Variants in DNM3 observed in about 807,000 individuals in gnomAD.
DNM3 encodes the protein dynamin-3.
Under a neutral mutation model 101.6 loss-of-function variants are expected in DNM3, and 47 were observed. The ratio of observed to expected loss-of-function variants is 0.46; its 90% confidence interval spans 0.37 to 0.59. The LOEUF (loss-of-function observed/expected upper bound fraction) is 0.59, where lower values mean the gene tolerates loss of function less well. DNM3 is among the 20% of genes least tolerant of loss of function. The pLI, the probability that DNM3 is intolerant of heterozygous loss-of-function variation, is 0.00. For synonymous variants in DNM3, 385 were observed against 387.9 expected (o/e 0.99, Z 0.09); for missense variants, 849 against 1,085.7 (o/e 0.78, Z 3.06).
At chr1:172,138,149 T>C (rs957393026) in intron 14 of DNM3, 2 of 152,100 alleles carry the variant, frequency 1.3e-5, no homozygotes, top group Non-Finnish European at 2.9e-5. Context: ...AAATTTCAAC[T>C]TTCCATATGT....
intron 15 of DNM3, among the ~76,000 whole-genome samples, chr1:172,275,521 A>G (rs1476581509): frequency 6.6e-6 from 1 of 151,922 alleles, no homozygotes. Flanking sequence ...TGACATTTCA[A>G]CCTTCTTGCT....
chr1:172,104,787 A>G (rs1330422411), intron 13 of DNM3, among the ~76,000 whole-genome samples: 2 of 152,156 alleles, frequency 1.3e-5, no homozygotes, highest in East Asian at 1.9e-4. Flanking sequence ...TGCATCCATT[A>G]TTGACATTTT....
At chr1:172,167,907 A>G (rs1254275220) in intron 14 of DNM3, among the ~76,000 whole-genome samples, 1 of 152,016 alleles carries the variant, frequency 6.6e-6, no homozygotes, top group Non-Finnish European at 1.5e-5. Context: ...TTGATAACTC[A>G]TATTACCACA....
chr1:171,904,789 G>A (rs1190782297), intron 1 of DNM3, among the ~76,000 whole-genome samples: 3 of 152,140 alleles, frequency 2.0e-5, no homozygotes, highest in Non-Finnish European at 4.4e-5. Flanking sequence ...TATCCATGGT[G>A]AAGGTCCTTA....
At chr1:172,178,851 G>T (rs1190139737) in intron 14 of DNM3, among the ~76,000 whole-genome samples, 1 of 151,876 alleles carries the variant, frequency 6.6e-6, no homozygotes, top group Non-Finnish European at 1.5e-5. Context: ...GGGTTAAGGG[G>T]TCACCTTATG....
intron 15 of DNM3, among the ~76,000 whole-genome samples, chr1:172,259,207 A>G (rs533501518): frequency 4.6e-5 from 7 of 152,046 alleles, no homozygotes; most frequent in Non-Finnish European, 8.8e-5. Flanking sequence ...CTGATTAAGA[A>G]TAATGTTTAT....
chr1:172,366,698 G>T (rs936506248), intron 17 of DNM3: 7 of 151,706 alleles, frequency 4.6e-5, no homozygotes, highest in African/African-American at 1.5e-4. Context: ...GAACTAAACA[G>T]AAATCTTGGA....
intron 13 of DNM3, 93 bp downstream of exon 13, chr1:172,092,968 C>A: frequency 8.1e-7 from 1 of 1,239,370 alleles, no homozygotes; most frequent in Non-Finnish European, 1.1e-6. Context: ...AAATTAATCA[C>A]GTGCAAATTT....
intron 1 of DNM3, among the ~76,000 whole-genome samples, chr1:171,915,161 A>G (rs2039616454): frequency 6.6e-6 from 1 of 152,238 alleles, no homozygotes; most frequent in Admixed American, 6.5e-5. Context: ...GGTTAAATTA[A>G]TTGTAAGAAG....
At chr1:172,048,130 T>C (rs533463023) in intron 9 of DNM3, among the ~76,000 whole-genome samples, 3 of 152,330 alleles carry the variant, frequency 2.0e-5, no homozygotes, top group South Asian at 2.1e-4. Flanking sequence ...AAATTCATTA[T>C]TTAGGCATCT....
rs1185154909 is a variant in DNM3, at chr1:172,044,459, G to A, written c.1196+7G>A. 1.2e-6 allele frequency: 2 copies of A among 1,600,734 alleles called. No homozygotes were observed. The highest frequency in any genetic ancestry group is 1.7e-5 in the Admixed American group (1 of 58,164). On this transcript the variant is annotated splice_region_variant and intron_variant, in intron 9 of 20. Coordinates refer to ENST00000627582, the MANE Select transcript of DNM3 (RefSeq NM_015569.5). ...AAAACATACATGGTATCAGGCAAGT[G>A]ATTCACATTTTTCTTGTCATCTGTT...
chr1:172,239,718 C>T (rs1191546456), intron 14 of DNM3, among the ~76,000 whole-genome samples: 2 of 151,460 alleles, frequency 1.3e-5, no homozygotes, highest in East Asian at 3.9e-4. Flanking sequence ...TCTAATGATA[C>T]CTTCTCAGTT....
At chr1:172,406,886 G>A (rs1475820872) in intron 20 of DNM3, among the ~76,000 whole-genome samples, 1 of 151,718 alleles carries the variant, frequency 6.6e-6, no homozygotes, top group Non-Finnish European at 1.5e-5. Flanking sequence ...ATTTCAATTT[G>A]TAGACTTTGT....
chr1:172,319,693 C>A (rs1490738983), intron 16 of DNM3, among the ~76,000 whole-genome samples: 1 of 152,188 alleles, frequency 6.6e-6, no homozygotes, highest in Non-Finnish European at 1.5e-5. Context: ...TACCATCTCA[C>A]ACCAGTTAGA....
chr1:172,019,784 C>A (rs1218987313), intron 4 of DNM3, among the ~76,000 whole-genome samples: 1 of 151,990 alleles, frequency 6.6e-6, no homozygotes, highest in African/African-American at 2.4e-5. Context: ...TTCTTCATTT[C>A]TATTAGTCTT....
intron 15 of DNM3, among the ~76,000 whole-genome samples, chr1:172,280,728 A>G (rs930875912): frequency 1.3e-5 from 2 of 152,258 alleles, no homozygotes; most frequent in Admixed American, 1.3e-4. Flanking sequence ...AGACAAAAAG[A>G]AAAACATTTA....
intron 1 of DNM3, among the ~76,000 whole-genome samples, chr1:171,842,541 A>C (rs1309677269): frequency 6.6e-6 from 1 of 152,154 alleles, no homozygotes; most frequent in Non-Finnish European, 1.5e-5. Context: ...CGAGGCACAG[A>C]CTTGGCAGGG....
chr1:172,282,092 C>T (rs1303198496), intron 15 of DNM3, among the ~76,000 whole-genome samples: 1 of 152,142 alleles, frequency 6.6e-6, no homozygotes, highest in Non-Finnish European at 1.5e-5. Flanking sequence ...AAAGCTATTG[C>T]AGTACTTGCT....
chr1:172,142,044 T>C (rs1035999262), intron 14 of DNM3: 6 of 152,018 alleles, frequency 3.9e-5, no homozygotes, highest in African/African-American at 1.4e-4. Context: ...AAATGAAAAA[T>C]AATTATGAAA....
Sources: gnomAD v4.1 joint callset for allele counts (sites outside exome capture counted in the v4.1 genomes callset) on GRCh38, gnomAD v4.1.1 for gene constraint, MANE v1.5 for transcripts, NCBI Gene and HGNC (gene_info 2026-07-23, HGNC 2026-07-21) for gene names.